Variants in GABBR2 observed in about 807,000 individuals in gnomAD.
The protein encoded by GABBR2 is gamma-aminobutyric acid type B receptor subunit 2.
GABBR2 carries 23 observed loss-of-function variants against 105.6 expected under a neutral mutation model. The observed-to-expected ratio is 0.22, with a 90% CI of 0.16 to 0.31. GABBR2 has a LOEUF of 0.31. Among genes scored for constraint, GABBR2 ranks in the 10% least tolerant of loss-of-function variants. The pLI is 1.00. For missense variants in GABBR2, 734 were observed against 1,245.5 expected, an observed-to-expected ratio of 0.59 and a Z score of 6.18; for synonymous variants, 478 against 499.7, an observed-to-expected ratio of 0.96 and a Z score of 0.58.
intron 1 of GABBR2, among the ~76,000 whole-genome samples, chr9:98,702,440 C>G (rs1211256527): frequency 6.6e-6 from 1 of 152,188 alleles, no homozygotes; most frequent in Non-Finnish European, 1.5e-5. Flanking sequence ...CCCTCCGACT[C>G]CAGGCTCATT....
At chr9:98,416,316 C>A (rs1259274723) in intron 7 of GABBR2, among the ~76,000 whole-genome samples, 1 of 152,182 alleles carries the variant, frequency 6.6e-6, no homozygotes, top group Non-Finnish European at 1.5e-5. Context: ...ATAATCTCTT[C>A]CCAGAAACAA....
At chr9:98,512,558 C>G (rs911186760) in intron 3 of GABBR2, among the ~76,000 whole-genome samples, 8 of 152,310 alleles carry the variant, frequency 5.3e-5, no homozygotes, top group South Asian at 2.1e-4. Flanking sequence ...TCAGCAAAGT[C>G]TCAGGATACA....
At chr9:98,348,651 C>T (rs903371225) in intron 13 of GABBR2, among the ~76,000 whole-genome samples, 2 of 152,112 alleles carry the variant, frequency 1.3e-5, no homozygotes, top group African/African-American at 4.8e-5. Flanking sequence ...TCTTTCACTT[C>T]CTTGGTCAAT....
At chr9:98,469,419 T>C (rs1826623080) in intron 6 of GABBR2, among the ~76,000 whole-genome samples, 1 of 152,070 alleles carries the variant, frequency 6.6e-6, no homozygotes, top group African/African-American at 2.4e-5. Flanking sequence ...GACACATAGG[T>C]AATCCAGGAA....
chr9:98,585,146 A>T (rs889931702), intron 1 of GABBR2, among the ~76,000 whole-genome samples: 3 of 152,120 alleles, frequency 2.0e-5, no homozygotes, highest in Admixed American at 6.5e-5. Context: ...TGGTCCCCCA[A>T]ATACCTCCAT....
Position 98,504,386 on chromosome 9 carries a change from C to T in GABBR2, c.631-7872G>A, listed in dbSNP as rs192483842. ...AGAGCTCCAGAGATCTCAAGGCACT[C>T]AGCTTCTATGGCCAGTAGTTCCCCA... On this transcript the variant is annotated intron_variant, in intron 3 of 18. Transcript: ENST00000259455. Among the ~76,000 whole-genome samples the T allele has an allele frequency of 1.5e-3, 227 of 152,308 alleles. 2 individuals are homozygous for T. Among genetic ancestry groups the T allele is most frequent in the Admixed American group, 2.9e-3 (44 of 15,304 alleles).
intron 1 of GABBR2, among the ~76,000 whole-genome samples, chr9:98,661,141 C>G (rs1419210597): frequency 6.6e-6 from 1 of 152,166 alleles, no homozygotes; most frequent in Non-Finnish European, 1.5e-5. Flanking sequence ...CTCCTGACCT[C>G]AAGTGATCCA....
At chr9:98,550,554 A>G (rs889731126) in intron 2 of GABBR2, among the ~76,000 whole-genome samples, 2 of 152,178 alleles carry the variant, frequency 1.3e-5, no homozygotes, top group Admixed American at 1.3e-4. Context: ...GAAATGATAC[A>G]AGCCCCTCAG....
intron 1 of GABBR2, among the ~76,000 whole-genome samples, chr9:98,635,984 G>A (rs1483543212): frequency 1.3e-5 from 2 of 152,140 alleles, no homozygotes; most frequent in Non-Finnish European, 2.9e-5. Flanking sequence ...CTGACTCCAT[G>A]CATCAAAGTG....
intron 3 of GABBR2, among the ~76,000 whole-genome samples, chr9:98,499,169 G>T (rs1827347138): frequency 6.6e-6 from 1 of 152,252 alleles, no homozygotes; most frequent in South Asian, 2.1e-4. Context: ...ATCATTCCCA[G>T]GCAAATGGCA....
At chr9:98,345,581 A>AT (rs1248485394) in intron 13 of GABBR2, among the ~76,000 whole-genome samples, 1 of 152,140 alleles carries the variant, frequency 6.6e-6, no homozygotes, top group Non-Finnish European at 1.5e-5. Context: ...CCTATTCAAC[A>AT]TTGTACTAGA....
At position 98,306,461 on chromosome 9, in the gene GABBR2, G is replaced by T; in HGVS notation, c.2005-116C>A. On this transcript the variant is annotated intron_variant, in intron 14 of 18. Transcript: ENST00000259455. The surrounding 1 kb of genome is among the most constrained non-coding windows in gnomAD (Gnocchi z 5.4). ...TCAGGAGGTGGGCTGCAGGGAGGGA[G>T]GGTCGGGGGCCTTGCTGTCAGCCGG... The T allele has an allele frequency of 3.2e-6, 2 of 621,308 alleles. No individual in the cohort carries two copies. Among genetic ancestry groups the T allele is most frequent in the Non-Finnish European group, 3.0e-6 (1 of 334,984 alleles). The allele number at this position is 621,308 out of a possible 1,614,324, so 38.5% of individuals were successfully genotyped here.
intron 5 of GABBR2, among the ~76,000 whole-genome samples, chr9:98,476,344 G>GT (rs1469774488): frequency 6.6e-6 from 1 of 152,196 alleles, no homozygotes; most frequent in Non-Finnish European, 1.5e-5. Context: ...TAGAACATTA[G>GT]TCAATTTTGA....
At chr9:98,512,860 T>C (rs1324814923) in intron 3 of GABBR2, among the ~76,000 whole-genome samples, 2 of 152,146 alleles carry the variant, frequency 1.3e-5, no homozygotes, top group Non-Finnish European at 2.9e-5. Context: ...AATGCCATCC[T>C]CATCAAGCTA....
intron 12 of GABBR2, among the ~76,000 whole-genome samples, chr9:98,367,014 C>T (rs1047172472): frequency 6.6e-6 from 1 of 151,968 alleles, no homozygotes; most frequent in African/African-American, 2.4e-5. Context: ...TACAATTGGT[C>T]TTTAGAAAAA....
At chr9:98,615,825 A>G (rs955456980) in intron 1 of GABBR2, among the ~76,000 whole-genome samples, 3 of 152,202 alleles carry the variant, frequency 2.0e-5, no homozygotes, top group Non-Finnish European at 4.4e-5. Flanking sequence ...CATTGCTCCC[A>G]GAACAAAAGC....
At chr9:98,497,561 G>T (rs936738055) in intron 3 of GABBR2, among the ~76,000 whole-genome samples, 1 of 152,212 alleles carries the variant, frequency 6.6e-6, no homozygotes, top group Non-Finnish European at 1.5e-5. Flanking sequence ...ACTAGGCTGG[G>T]GTTAGGGGAT....
chr9:98,659,012 T>C (rs1830219158), intron 1 of GABBR2, among the ~76,000 whole-genome samples: 1 of 152,210 alleles, frequency 6.6e-6, no homozygotes, highest in Non-Finnish European at 1.5e-5. Flanking sequence ...TCTGACCACA[T>C]GAAATATTCA....
At chr9:98,292,414 T>C (rs543391608) in intron 18 of GABBR2, among the ~76,000 whole-genome samples, 6 of 152,296 alleles carry the variant, frequency 3.9e-5, no homozygotes, top group Admixed American at 6.5e-5. Context: ...AATCAACTCA[T>C]GGGGGCAGCC....
Sources: allele counts gnomAD v4.1 joint callset (sites outside exome capture counted in the v4.1 genomes callset), GRCh38; gene constraint gnomAD v4.1.1; non-coding constraint Gnocchi (gnomAD v3.1); transcripts MANE v1.5; gene names NCBI Gene and HGNC (gene_info 2026-07-23, HGNC 2026-07-21).